The following ZFAT variants were observed in gnomAD, a reference collection of about 807,000 sequenced individuals.
ZFAT encodes the protein zinc finger and AT-hook domain containing.
In ZFAT, 64 loss-of-function variants were observed where a neutral mutation model predicts 117.7. The ratio of observed to expected loss-of-function variants is 0.54; its 90% CI spans 0.44 to 0.67. The LOEUF (loss-of-function observed/expected upper bound fraction) is 0.67, where lower values mean the gene tolerates loss of function less well. Ranked by LOEUF, ZFAT falls within the 30% of genes least tolerant of loss-of-function variation. The pLI, the probability that ZFAT is intolerant of heterozygous loss-of-function variation, is 0.00. For missense variants in ZFAT, 1,433 were observed against 1,584.5 expected, an observed-to-expected ratio of 0.90 and a Z score of 1.62; for synonymous variants, 679 against 615.0, an observed-to-expected ratio of 1.10 and a Z score of -1.54.
chr8:134,514,483 T>C (rs1350023887), intron 13 of ZFAT, among the ~76,000 whole-genome samples: 2 of 152,178 alleles, frequency 1.3e-5, no homozygotes, highest in East Asian at 3.9e-4. Flanking sequence ...GCAATAATCA[T>C]AGCAGCTGCC....
intron 2 of ZFAT, among the ~76,000 whole-genome samples, chr8:134,641,681 A>T (rs1350674041): frequency 9.2e-5 from 14 of 152,214 alleles, no homozygotes; most frequent in African/African-American, 2.7e-4. Flanking sequence ...CTGGATGTGG[A>T]GTAGATACAA....
intron 2 of ZFAT, among the ~76,000 whole-genome samples, chr8:134,650,418 G>A (rs2439810): frequency 0.16 from 24,550 of 152,068 alleles, 2,557 homozygotes; most frequent in East Asian, 0.31. Context: ...GAGCCACTGC[G>A]CCCGGCCTAA....
At chr8:134,766,353 T>A in the ZFAT span, 3 of 152,356 alleles carry the variant, frequency 2.0e-5, no homozygotes, top group East Asian at 3.9e-4. Flanking sequence ...AACATTTTTT[T>A]AAAAAGTATT....
chr8:134,597,870 C>G (rs945287218), intron 7 of ZFAT: 1 of 152,238 alleles, frequency 6.6e-6, no homozygotes, highest in African/African-American at 2.4e-5. Flanking sequence ...GCTAGCATAT[C>G]TCTTTTGTAA....
chr8:134,820,606 T>C, the ZFAT span, among the ~76,000 whole-genome samples: 5 of 152,228 alleles, frequency 3.3e-5, no homozygotes, highest in Admixed American at 2.0e-4. Context: ...TCATGCTGGT[T>C]CCATGACAGA....
rs1368283177 is a variant in ZFAT at position 134,499,823 on chromosome 8, AGGAG to A, written c.3492+9792_3492+9795del. On this transcript the variant is annotated intron_variant, in intron 15 of 15. Coordinates refer to ENST00000377838, the MANE Select transcript of ZFAT (RefSeq NM_020863.4). ...GGACATTTGAGGCCCCTTGTGAAGC[AGGAG>A]GCCACCACATGTGCTGACAGGGCAG... 1.2e-4 allele frequency among the ~76,000 whole-genome samples: 19 copies of A among 152,352 alleles called. 1 individual carries two copies. The highest frequency in any genetic ancestry group is 4.1e-4 in the African/African-American group (17 of 41,592).
At chr8:134,728,417 A>G in the ZFAT span, among the ~76,000 whole-genome samples, 2 of 152,136 alleles carry the variant, frequency 1.3e-5, no homozygotes, top group Admixed American at 1.3e-4. Context: ...CCTTCAGACT[A>G]TCTAGTAAAT....
At chr8:134,558,846 A>G (rs2130740312) in intron 11 of ZFAT, among the ~76,000 whole-genome samples, 1 of 152,344 alleles carries the variant, frequency 6.6e-6, no homozygotes, top group East Asian at 1.9e-4. Flanking sequence ...CATTTTACAG[A>G]TCATAAAATT....
chr8:134,693,671 G>A (rs1317114289), intron 1 of ZFAT, among the ~76,000 whole-genome samples: 1 of 152,060 alleles, frequency 6.6e-6, no homozygotes, highest in African/African-American at 2.4e-5. Flanking sequence ...AAGAAATGAC[G>A]GAATTAGACA....
chr8:134,748,154 C>A, the ZFAT span, among the ~76,000 whole-genome samples: 1 of 152,148 alleles, frequency 6.6e-6, no homozygotes, highest in Non-Finnish European at 1.5e-5. Context: ...AAGCAATCAT[C>A]CCCCAGGCCA....
chr8:134,663,762 T>C (rs1167773076), intron 1 of ZFAT, among the ~76,000 whole-genome samples: 1 of 152,154 alleles, frequency 6.6e-6, no homozygotes, highest in Non-Finnish European at 1.5e-5. Flanking sequence ...AATCATAACA[T>C]CTGTATTTTC....
At chr8:134,671,807 T>C (rs1832574379) in intron 1 of ZFAT, among the ~76,000 whole-genome samples, 1 of 152,146 alleles carries the variant, frequency 6.6e-6, no homozygotes, top group African/African-American at 2.4e-5. Flanking sequence ...AAAGAGGAAG[T>C]CAAATTGTCC....
At chr8:134,726,257 G>A in the ZFAT span, among the ~76,000 whole-genome samples, 6 of 152,168 alleles carry the variant, frequency 3.9e-5, no homozygotes, top group Admixed American at 3.3e-4. Context: ...AGATTCAAGT[G>A]CCCTGTTTGA....
chr8:134,715,431 T>C (rs1025340062), upstream of ZFAT, among the ~76,000 whole-genome samples: 3 of 152,216 alleles, frequency 2.0e-5, no homozygotes, highest in African/African-American at 7.2e-5. Flanking sequence ...CATAGGCAGA[T>C]GGAAATGACT....
chr8:134,789,010 A>G, the ZFAT span, among the ~76,000 whole-genome samples: 4 of 152,114 alleles, frequency 2.6e-5, no homozygotes, highest in Admixed American at 2.6e-4. Context: ...TCAGCCTGAT[A>G]AATTTTTAAA....
chr8:134,694,315 G>A (rs1254662870), intron 1 of ZFAT, among the ~76,000 whole-genome samples: 3 of 152,190 alleles, frequency 2.0e-5, no homozygotes, highest in Admixed American at 2.0e-4. Flanking sequence ...TTATGTGGGA[G>A]AATGTCCTTG....
At chr8:134,555,151 C>G (rs1823475379) in intron 11 of ZFAT, among the ~76,000 whole-genome samples, 1 of 152,220 alleles carries the variant, frequency 6.6e-6, no homozygotes, top group Non-Finnish European at 1.5e-5. Context: ...CAAGGGTCTT[C>G]TCCAAGTGGA....
the ZFAT span, among the ~76,000 whole-genome samples, chr8:134,825,359 C>A: frequency 6.6e-6 from 1 of 152,226 alleles, no homozygotes; most frequent in Non-Finnish European, 1.5e-5. Context: ...CCTTTACCCC[C>A]TTCCCTCCCA....
chr8:134,608,628 A>G, intron 5 of ZFAT, 101 bp downstream of exon 5: 1 of 1,423,540 alleles, frequency 7.0e-7, no homozygotes, highest in South Asian at 1.3e-5. Flanking sequence ...CAAGTTTATA[A>G]GCAGAATCCA....
Sources: allele counts gnomAD v4.1 joint callset (sites outside exome capture counted in the v4.1 genomes callset), GRCh38; gene constraint gnomAD v4.1.1; transcripts MANE v1.5; gene names NCBI Gene and HGNC (gene_info 2026-07-23, HGNC 2026-07-21).